SOX6: variants seen among roughly 807,000 people sequenced by gnomAD.
SOX6 encodes transcription factor SOX-6.
Under a neutral mutation model 97.8 loss-of-function variants are expected in SOX6, and 11 were observed. The observed-to-expected ratio is 0.11, with a 90% CI of 0.07 to 0.19. The LOEUF is 0.19. SOX6 is among the 10% of genes least tolerant of loss of function. SOX6 has a pLI of 1.00. For missense variants in SOX6, 810 were observed against 1,039.5 expected (o/e 0.78, Z 3.04); for synonymous variants, 360 against 371.4 (o/e 0.97, Z 0.35).
At chr11:16,126,001 A>G (rs1281737181) in intron 6 of SOX6, among the ~76,000 whole-genome samples, 1 of 152,158 alleles carries the variant, frequency 6.6e-6, no homozygotes, top group Admixed American at 6.6e-5. Context: ...GAAGAAGTGT[A>G]GAAGCATTCA....
chr11:16,440,069 G>T (rs954962254), intron 1 of SOX6, among the ~76,000 whole-genome samples: 1 of 152,138 alleles, frequency 6.6e-6, no homozygotes, highest in African/African-American at 2.4e-5. Flanking sequence ...ACATAACCTC[G>T]AGGCTAAGCT....
intron 4 of SOX6, among the ~76,000 whole-genome samples, chr11:16,554,598 A>G (rs1847730420): frequency 6.6e-6 from 1 of 152,206 alleles, no homozygotes; most frequent in South Asian, 2.1e-4. Flanking sequence ...ATGATCTCCC[A>G]AAAATTACTC....
chr11:16,345,477 G>A (rs1464137019), intron 1 of SOX6, among the ~76,000 whole-genome samples: 1 of 152,020 alleles, frequency 6.6e-6, no homozygotes, highest in Non-Finnish European at 1.5e-5. Flanking sequence ...AAAGCCTCCA[G>A]TTACTGAGAA....
At chr11:16,587,860 G>C (rs1848112559) in intron 4 of SOX6, among the ~76,000 whole-genome samples, 1 of 152,172 alleles carries the variant, frequency 6.6e-6, no homozygotes, top group Non-Finnish European at 1.5e-5. Context: ...ACTGCTGCCA[G>C]TCCAGCCAAA....
chr11:16,425,743 A>G (rs1859115038), intron 1 of SOX6, among the ~76,000 whole-genome samples: 1 of 152,186 alleles, frequency 6.6e-6, no homozygotes, highest in Admixed American at 6.5e-5. Context: ...ATAGAACAGG[A>G]AAACAGCTAA....
intron 1 of SOX6, among the ~76,000 whole-genome samples, chr11:16,444,931 C>T (rs1447380032): frequency 6.6e-6 from 1 of 152,154 alleles, no homozygotes; most frequent in African/African-American, 2.4e-5. Flanking sequence ...CCAAAAAGGT[C>T]ATGGTTAGAT....
At chr11:16,132,382 GAAAGAAAGAAAGAAAGAAAA>G (rs1564972148) in intron 6 of SOX6, among the ~76,000 whole-genome samples, 2 of 84,458 alleles carry the variant, frequency 2.4e-5, no homozygotes, top group African/African-American at 1.1e-4. Context: ...AAGAAAGAAA[GAAAGAAAGAAAGAAAGAAAA>G]AAGAAAGAAA....
intron 4 of SOX6, among the ~76,000 whole-genome samples, chr11:16,521,193 A>G (rs1438554812): frequency 1.3e-5 from 2 of 152,120 alleles, no homozygotes; most frequent in Admixed American, 6.5e-5. Context: ...TGGGTCCCTG[A>G]CCCCTGAACC....
chr11:16,168,051 C>T (rs1380552007), intron 6 of SOX6, among the ~76,000 whole-genome samples: 2 of 151,900 alleles, frequency 1.3e-5, no homozygotes, highest in Non-Finnish European at 2.9e-5. Flanking sequence ...GATATCTCAA[C>T]AGAAAAGAAA....
chr11:16,666,552 T>A (rs918982286), intron 3 of SOX6, among the ~76,000 whole-genome samples: 13 of 152,188 alleles, frequency 8.5e-5, no homozygotes, highest in Non-Finnish European at 1.9e-4. Context: ...ATGTCTGTAA[T>A]CCCAGCTCTT....
At chr11:16,449,439 C>G (rs1029657029) in intron 1 of SOX6, among the ~76,000 whole-genome samples, 2 of 151,590 alleles carry the variant, frequency 1.3e-5, no homozygotes, top group Non-Finnish European at 2.9e-5. Context: ...ATTACAGGCG[C>G]CCGCTACCAT....
intron 1 of SOX6, among the ~76,000 whole-genome samples, chr11:16,433,194 A>G (rs1447055131): frequency 5.9e-5 from 9 of 151,832 alleles, no homozygotes; most frequent in Admixed American, 5.9e-4. Context: ...TACCCTGAAA[A>G]TGTTAACAAT....
intron 1 of SOX6, among the ~76,000 whole-genome samples, chr11:16,375,328 G>C (rs73431671): frequency 0.034 from 5,150 of 152,090 alleles, 256 homozygotes; most frequent in African/African-American, 0.11. Context: ...CACTGAACCA[G>C]AGAGATTGTT....
At chr11:16,050,458 T>C (rs12577495) in intron 10 of SOX6, among the ~76,000 whole-genome samples, 16,105 of 152,214 alleles carry the variant, frequency 0.11, 1,756 homozygotes, top group East Asian at 0.37. Context: ...TGCCACAGCA[T>C]GGCTTCTATG....
intron 3 of SOX6, among the ~76,000 whole-genome samples, chr11:16,286,984 A>G (rs1220216319): frequency 1.3e-5 from 2 of 151,942 alleles, no homozygotes; most frequent in Non-Finnish European, 2.9e-5. Context: ...GGTTTTTTTA[A>G]TGGAAGAAGT....
At chr11:16,121,536 C>G (rs142308412) in intron 6 of SOX6, among the ~76,000 whole-genome samples, 1 of 152,060 alleles carries the variant, frequency 6.6e-6, no homozygotes, top group Admixed American at 6.6e-5. Context: ...TTTGTTCTCA[C>G]TTACATATTA....
chr11:16,019,338 A>T (rs1854983666), intron 12 of SOX6, among the ~76,000 whole-genome samples: 2 of 152,106 alleles, frequency 1.3e-5, no homozygotes, highest in African/African-American at 4.8e-5. Context: ...TCTGAATGAG[A>T]GGTACTTTAC....
At chr11:16,552,424 T>C (rs1454382597) in intron 4 of SOX6, among the ~76,000 whole-genome samples, 1 of 152,172 alleles carries the variant, frequency 6.6e-6, no homozygotes, top group Non-Finnish European at 1.5e-5. Context: ...ATGCATGCAA[T>C]CAAAATATAT....
chr11:16,689,596 T>G lies in SOX6; in HGVS notation n.429+25234A>C, dbSNP rs542238732. On this transcript the variant is annotated intron_variant and non_coding_transcript_variant, in intron 3 of 5. Coordinates refer to the SOX6 transcript ENST00000524520. ...CCAGACACTAATGTCTTGATTTTAGTAGTCCTAGCAGCATGCTTGGCATTC... is the reference window on the plus strand; with the variant it reads ...CCAGACACTAATGTCTTGATTTTAGGAGTCCTAGCAGCATGCTTGGCATTC... Among the ~76,000 whole-genome samples, 3 of 152,324 alleles carry G rather than the reference T, an allele frequency of 2.0e-5. No individual in the cohort carries two copies. In the East Asian group the frequency reaches 5.8e-4, roughly 29 times the overall value.
Sources: gnomAD v4.1 joint callset for allele counts (sites outside exome capture counted in the v4.1 genomes callset) on GRCh38, gnomAD v4.1.1 for gene constraint, MANE v1.5 for transcripts, NCBI Gene and HGNC (gene_info 2026-07-23, HGNC 2026-07-21) for gene names.